Variants in LDLRAD4 observed in about 807,000 individuals in gnomAD.
LDLRAD4 encodes low-density lipoprotein receptor class A domain-containing protein 4.
LDLRAD4 carries 5 observed loss-of-function variants against 17.0 expected under a neutral mutation model. The ratio of observed to expected loss-of-function variants is 0.29; its 90% confidence interval spans 0.15 to 0.62. LDLRAD4 has a LOEUF of 0.62. Among genes scored for constraint, LDLRAD4 ranks in the 20% least tolerant of loss-of-function variants. The pLI is 0.84. For synonymous variants in LDLRAD4, 168 were observed against 171.8 expected (o/e 0.98, Z 0.17); for missense variants, 340 against 424.7 (o/e 0.80, Z 1.75).
rs763860704 is a variant in LDLRAD4 at position 13,438,289 on chromosome 18, C to T, written c.86C>T (p.Ser29Leu). The T allele has an allele frequency of 5.6e-6, 9 of 1,613,498 alleles. No homozygotes were observed. The highest frequency in any genetic ancestry group is 7.6e-6 in the Non-Finnish European group (9 of 1,179,508). Residue 29 changes from serine (S) to leucine (L), a missense_variant, in exon 3 of 6, where the codon TCG becomes TTG. By Grantham distance (145) the Ser-to-Leu change is moderately radical. Coordinates refer to ENST00000359446, the Ensembl canonical transcript of LDLRAD4. ...AGTGGTAAATGCTTGTATCTTGGTT[C>T]GCTGGTCTGTAACCAACAGAACGAC...
At chr18:13,612,438 A>T in intron 3 of LDLRAD4, 1 of 1,267,720 alleles carries the variant, frequency 7.9e-7, no homozygotes, top group African/African-American at 1.5e-5. Flanking sequence ...GGCAGTTGAT[A>T]ATTGGTAGCC....
intron 1 of LDLRAD4, among the ~76,000 whole-genome samples, chr18:13,227,686 G>A (rs1488706322): frequency 1.3e-5 from 2 of 152,246 alleles, no homozygotes; most frequent in Non-Finnish European, 2.9e-5. Flanking sequence ...CATGGCGGAA[G>A]TGGAAGCAAA....
intron 3 of LDLRAD4, among the ~76,000 whole-genome samples, chr18:13,505,651 T>G (rs1029172707): frequency 6.6e-6 from 1 of 152,076 alleles, no homozygotes; most frequent in African/African-American, 2.4e-5. Flanking sequence ...AACTCATCTC[T>G]ACTAAAAATA....
intron 3 of LDLRAD4, among the ~76,000 whole-genome samples, chr18:13,466,334 G>C (rs962884324): frequency 2.0e-5 from 3 of 151,988 alleles, no homozygotes; most frequent in Admixed American, 6.6e-5. Flanking sequence ...GCTGGGGGTG[G>C]TGGCGGGTCC....
At chr18:13,522,891 T>A (rs1037113807) in intron 3 of LDLRAD4, 2 of 152,192 alleles carry the variant, frequency 1.3e-5, no homozygotes, top group African/African-American at 4.8e-5. Flanking sequence ...TTTGTAAAGG[T>A]GCGTTTGATG....
chr18:13,380,710 A>G (rs2085291748), intron 1 of LDLRAD4, among the ~76,000 whole-genome samples: 1 of 152,208 alleles, frequency 6.6e-6, no homozygotes, highest in African/African-American at 2.4e-5. Flanking sequence ...TAATATAATT[A>G]TTGCTTTTCC....
chr18:13,570,736 G>T lies in LDLRAD4; in HGVS notation c.182-50381G>T, dbSNP rs117478479. On this transcript the variant is annotated intron_variant, in intron 3 of 5. Transcript: ENST00000359446. The stretch of plus-strand genomic sequence containing the variant: ...GAGCTCCACCTTGGTGACAGAAGGC[G>T]CAGCCCTCTGGCTGCCCTTTTCATT... 4.7e-3 allele frequency among the ~76,000 whole-genome samples: 713 copies of T among 152,332 alleles called. 4 individuals carry two copies. The highest frequency in any genetic ancestry group is 0.017 in the Middle Eastern group (5 of 294).
rs958432593 is a variant in LDLRAD4 at position 13,631,071 on chromosome 18, C to T, written c.336+9800C>T. Among the ~76,000 whole-genome samples the T allele has an allele frequency of 4.6e-5, 7 of 152,186 alleles. No individual in the cohort carries two copies. The East Asian group carries it at 5.8e-4, about 13-fold the overall frequency. On this transcript the variant is annotated intron_variant, in intron 4 of 5. Transcript: ENST00000359446. ...TTCGGGCGTGGTGTGGCCTTGCACA[C>T]GTGGACGCATGGCAGCAGGCGACAG...
chr18:13,243,797 T>C (rs1187787180), intron 1 of LDLRAD4, among the ~76,000 whole-genome samples: 7 of 146,068 alleles, frequency 4.8e-5, no homozygotes, highest in Non-Finnish European at 7.5e-5. Flanking sequence ...CATCCATCTA[T>C]CATCTCCCCA....
chr18:13,330,557 T>A (rs1428512680), intron 1 of LDLRAD4, among the ~76,000 whole-genome samples: 1 of 152,214 alleles, frequency 6.6e-6, no homozygotes, highest in Non-Finnish European at 1.5e-5. Flanking sequence ...CTACCGTAAA[T>A]AGGATCTGAT....
chr18:13,246,449 G>A (rs770809819), intron 1 of LDLRAD4, among the ~76,000 whole-genome samples: 51 of 152,362 alleles, frequency 3.3e-4, no homozygotes, highest in Middle Eastern at 6.8e-3. Flanking sequence ...CTGTGGTCAG[G>A]TTTCTATAAA....
chr18:13,218,009 G>T (rs912444432), upstream of LDLRAD4: 2 of 151,084 alleles, frequency 1.3e-5, no homozygotes, highest in African/African-American at 4.9e-5. Flanking sequence ...GCCCCGCACA[G>T]CGCCCCTCCC....
intron 1 of LDLRAD4, among the ~76,000 whole-genome samples, chr18:13,264,581 T>C (rs2044108131): frequency 6.6e-6 from 1 of 152,272 alleles, no homozygotes; most frequent in African/African-American, 2.4e-5. Flanking sequence ...GCCGCTAGCC[T>C]GTTTTTCGGA....
chr18:13,264,297 C>T (rs2044088461), intron 1 of LDLRAD4, among the ~76,000 whole-genome samples: 1 of 152,278 alleles, frequency 6.6e-6, no homozygotes, highest in Non-Finnish European at 1.5e-5. Flanking sequence ...GGCTGCAGAC[C>T]TGGAGGGCTT....
chr18:13,379,715 T>A (rs1164487229), intron 1 of LDLRAD4, among the ~76,000 whole-genome samples: 1 of 152,226 alleles, frequency 6.6e-6, no homozygotes, highest in African/African-American at 2.4e-5. Context: ...CAGGGAAGCC[T>A]GCTGTGAGCT....
chr18:13,624,077 G>A (rs1484874656), intron 4 of LDLRAD4, among the ~76,000 whole-genome samples: 4 of 152,144 alleles, frequency 2.6e-5, no homozygotes, highest in East Asian at 1.9e-4. Flanking sequence ...TGTACAGTGC[G>A]TCCTACAGTG....
intron 3 of LDLRAD4, among the ~76,000 whole-genome samples, chr18:13,569,792 G>A (rs141178474): frequency 0.012 from 1,815 of 152,336 alleles, 25 homozygotes; most frequent in Non-Finnish European, 0.015. Context: ...GGCTGAGGCA[G>A]GAGAATCGCT....
At chr18:13,534,400 G>A (rs1041074324) in intron 3 of LDLRAD4, among the ~76,000 whole-genome samples, 1 of 152,096 alleles carries the variant, frequency 6.6e-6, no homozygotes, top group South Asian at 2.1e-4. Flanking sequence ...CCATAAACAC[G>A]AATGTTAATT....
At chr18:13,371,152 G>A (rs929072304) in intron 1 of LDLRAD4, among the ~76,000 whole-genome samples, 6 of 152,324 alleles carry the variant, frequency 3.9e-5, no homozygotes, top group African/African-American at 1.4e-4. Context: ...GGGAGGCTGA[G>A]GGAAGACTCT....
Sources: allele counts gnomAD v4.1 joint callset (sites outside exome capture counted in the v4.1 genomes callset), GRCh38; gene constraint gnomAD v4.1.1; transcripts MANE v1.5; gene names NCBI Gene and HGNC (gene_info 2026-07-23, HGNC 2026-07-21).